PCYT1B: variants seen among roughly 807,000 people sequenced by gnomAD.
The protein encoded by PCYT1B is choline-phosphate cytidylyltransferase B.
A neutral mutation model predicts 26.4 loss-of-function variants in PCYT1B; 10 were observed. The ratio of observed to expected loss-of-function variants is 0.38; its 90% CI spans 0.23 to 0.64. PCYT1B has a LOEUF of 0.64. Among genes scored for constraint, PCYT1B ranks in the 30% least tolerant of loss-of-function variants. PCYT1B has a pLI of 0.56. For missense variants in PCYT1B, 161 were observed against 292.7 expected (o/e 0.55, Z 3.28); for synonymous variants, 131 against 108.4 (o/e 1.21, Z -1.29).
At chrX:24,605,179 AT>A (rs759893342) in intron 3 of PCYT1B, among the ~76,000 whole-genome samples, 7 of 111,589 alleles carry the variant, frequency 6.3e-5, no homozygotes, top group African/African-American at 2.3e-4. Flanking sequence ...TTCTGCCCAT[AT>A]TAATTTCCCT....
At chrX:24,606,602 G>A (rs1344255312) in intron 3 of PCYT1B, among the ~76,000 whole-genome samples, 3 of 112,286 alleles carry the variant, frequency 2.7e-5, no homozygotes, top group Non-Finnish European at 5.6e-5. Context: ...AGTGGCTCAC[G>A]CCTGTAATGC....
At chrX:24,666,024 G>A (rs749578345) in intron 1 of PCYT1B, among the ~76,000 whole-genome samples, 28 of 110,743 alleles carry the variant, frequency 2.5e-4, no homozygotes, top group Non-Finnish European at 4.3e-4. Context: ...AGAGAGCCTT[G>A]TAAACAGTGA....
At chrX:24,640,990 G>C (rs780069661) in intron 1 of PCYT1B, among the ~76,000 whole-genome samples, 3 of 111,937 alleles carry the variant, frequency 2.7e-5, no homozygotes, top group African/African-American at 9.7e-5. Context: ...CTGGAGTGCA[G>C]AGGGATGATC....
intron 3 of PCYT1B, among the ~76,000 whole-genome samples, chrX:24,595,884 GA>G (rs1180138372): frequency 0.13 from 7,235 of 55,871 alleles, 692 homozygotes; most frequent in African/African-American, 0.36. Context: ...CTGTCTCAAA[GA>G]AAAAAAAAAA....
At chrX:24,618,758 T>C (rs1311693124) in intron 2 of PCYT1B, among the ~76,000 whole-genome samples, 1 of 109,382 alleles carries the variant, frequency 9.1e-6, no homozygotes, top group Non-Finnish European at 1.9e-5. Context: ...AAGTAGCTGG[T>C]ACTACAGGCG....
intron 6 of PCYT1B, among the ~76,000 whole-genome samples, chrX:24,575,794 G>A (rs1923994830): frequency 8.9e-6 from 1 of 112,264 alleles, no homozygotes; most frequent in African/African-American, 3.2e-5. Context: ...CATTAACTGG[G>A]CCTTAGAACC....
At chrX:24,612,432 A>G (rs777166336) in intron 2 of PCYT1B, among the ~76,000 whole-genome samples, 3 of 112,429 alleles carry the variant, frequency 2.7e-5, no homozygotes, top group Non-Finnish European at 5.6e-5. Flanking sequence ...CTCAAACCTC[A>G]GTAAGATGAA....
intron 2 of PCYT1B, among the ~76,000 whole-genome samples, chrX:24,615,663 C>T (rs1467431568): frequency 1.8e-5 from 2 of 111,342 alleles, no homozygotes; most frequent in African/African-American, 6.5e-5. Flanking sequence ...AGGGTTTCAT[C>T]ATGTTGGCCA....
chrX:24,623,782 A>G (rs1925782407), intron 1 of PCYT1B, among the ~76,000 whole-genome samples: 1 of 110,601 alleles, frequency 9.0e-6, no homozygotes, highest in South Asian at 3.8e-4. Context: ...GTACTGGACA[A>G]TGGACAATGC....
intron 3 of PCYT1B, among the ~76,000 whole-genome samples, chrX:24,591,575 C>T (rs1450510808): frequency 1.8e-5 from 2 of 110,004 alleles, no homozygotes; most frequent in Admixed American, 2.0e-4. Flanking sequence ...AGGTGCGTGC[C>T]ATGACACCCA....
At chrX:24,633,922 T>C (rs1436843780) in intron 1 of PCYT1B, among the ~76,000 whole-genome samples, 1 of 110,947 alleles carries the variant, frequency 9.0e-6, no homozygotes, top group Admixed American at 9.7e-5. Context: ...GAAAAATATC[T>C]ATTTTTGTTT....
chrX:24,659,373 A>G (rs1012691325), intron 1 of PCYT1B, among the ~76,000 whole-genome samples: 4 of 111,152 alleles, frequency 3.6e-5, no homozygotes, highest in Admixed American at 2.9e-4. Flanking sequence ...TCTTCCTAAA[A>G]GTGGCATCAA....
At position 24,561,889 on chromosome X, in the gene PCYT1B, C is replaced by A; in HGVS notation, c.*404G>T. The A allele has an allele frequency of 2.4e-6, 1 of 411,991 alleles. No individual in the cohort carries two copies. Among genetic ancestry groups the A allele is most frequent in the South Asian group, 4.7e-5 (1 of 21,140 alleles). The allele number at this position is 411,991 out of a possible 1,213,427, so 34.0% of individuals were successfully genotyped here. ...GCAGAGCTGGGGTGGTGGGAGGCAACGTGCAGGACCCTTATGGACGCAGAA... is the reference window on the plus strand; with the variant it reads ...GCAGAGCTGGGGTGGTGGGAGGCAAAGTGCAGGACCCTTATGGACGCAGAA... On this transcript the variant is annotated 3_prime_UTR_variant, in exon 8 of 8. Transcript: ENST00000379144.
At chrX:24,621,825 A>T in intron 1 of PCYT1B, 1 of 717,730 alleles carries the variant, frequency 1.4e-6, no homozygotes, top group Non-Finnish European at 1.7e-6. Flanking sequence ...AAAGTTTATT[A>T]AAGAGGAGAT....
At chrX:24,624,333 C>G (rs1458360735) in intron 1 of PCYT1B, among the ~76,000 whole-genome samples, 1 of 111,924 alleles carries the variant, frequency 8.9e-6, no homozygotes, top group Non-Finnish European at 1.9e-5. Context: ...CAAATCCTAC[C>G]TCCATTATTT....
At chrX:24,608,582 A>G (rs757257014) in intron 2 of PCYT1B, among the ~76,000 whole-genome samples, 2 of 111,648 alleles carry the variant, frequency 1.8e-5, no homozygotes, top group Non-Finnish European at 3.8e-5. Flanking sequence ...AAGATGAACA[A>G]CCAACACTAT....
rs926695692 is a variant in PCYT1B, at chrX:24,561,440, T to A, written c.*853A>T. On this transcript the variant is annotated 3_prime_UTR_variant, in exon 8 of 8. Coordinates refer to ENST00000379144, the MANE Select transcript of PCYT1B (RefSeq NM_004845.5). ...TGGGAAAAGCCATTCCATAATAGCA[T>A]CCTTTAAGGAGAAGCTTCAGGAGAC... The A allele has an allele frequency of 8.9e-6, 1 of 112,494 alleles. No homozygotes were observed. The highest frequency in any genetic ancestry group is 1.9e-5 in the Non-Finnish European group (1 of 53,362). 9.3% of individuals were successfully genotyped at this position (112,494 alleles called of 1,213,427 possible).
In PCYT1B at chrX:24,585,508, AGATGCTGTG is replaced by A. The variant is rs756536977; in HGVS notation, c.565+1724_565+1732del. 4.5e-3 allele frequency among the ~76,000 whole-genome samples: 501 copies of A among 111,365 alleles called. 3 individuals are homozygous for A. Among genetic ancestry groups the A allele is most frequent in the African/African-American group, 0.016 (475 of 30,640 alleles). ...AGCACAGGGAAGGGAATCCTGCGGC[AGATGCTGTG>A]GCCAGGACAGGCCAAAGTGGGGAGG... On this transcript the variant is annotated intron_variant, in intron 5 of 7. Transcript: ENST00000379144.
intron 4 of PCYT1B, among the ~76,000 whole-genome samples, 187 bp from the exon 5 acceptor site, chrX:24,587,506 G>A (rs1396131736): frequency 8.9e-6 from 1 of 111,958 alleles, no homozygotes; most frequent in Non-Finnish European, 1.9e-5. Flanking sequence ...TGAGATAATG[G>A]GAACTAGAAG....
Sources: gnomAD v4.1 joint callset for allele counts (sites outside exome capture counted in the v4.1 genomes callset) on GRCh38, gnomAD v4.1.1 for gene constraint, MANE v1.5 for transcripts, NCBI Gene and HGNC (gene_info 2026-07-23, HGNC 2026-07-21) for gene names.